CIITA: variants seen among roughly 807,000 people sequenced by gnomAD.
CIITA encodes the protein class II major histocompatibility complex transactivator, also known as MHC class II transactivator.
Under a neutral mutation model 115.1 loss-of-function variants are expected in CIITA, and 72 were observed. The ratio of observed to expected loss-of-function variants is 0.63; its 90% confidence interval spans 0.52 to 0.76. The LOEUF (loss-of-function observed/expected upper bound fraction) is 0.76. CIITA is among the 30% of genes least tolerant of loss of function. The pLI, the probability that CIITA is intolerant of heterozygous loss-of-function variation, is 0.00. For missense variants in CIITA, 1,617 were observed against 1,463.8 expected, an observed-to-expected ratio of 1.10 and a Z score of -1.71; for synonymous variants, 763 against 635.6, an observed-to-expected ratio of 1.20 and a Z score of -3.02.
chr16:10,872,977 T>C (rs1347010536), upstream of CIITA, among the ~76,000 whole-genome samples: 4 of 152,198 alleles, frequency 2.6e-5, no homozygotes, highest in African/African-American at 9.7e-5. Context: ...TTTTATTATT[T>C]TATTTTATTT....
chr16:10,910,966 A>G (rs1396866026), intron 13 of CIITA, among the ~76,000 whole-genome samples: 1 of 121,724 alleles, frequency 8.2e-6, no homozygotes, highest in African/African-American at 2.9e-5. Context: ...TTGCATCCCA[A>G]GAAGCCCCTT....
At chr16:10,899,620 G>A (rs890495369) in intron 5 of CIITA, among the ~76,000 whole-genome samples, 12 of 152,326 alleles carry the variant, frequency 7.9e-5, no homozygotes, top group African/African-American at 2.9e-4. Flanking sequence ...CTGGTATGCA[G>A]TAGCACCTCA....
rs1258482499 is a variant in CIITA at position 10,929,061 on chromosome 16, G to T, written c.*5206G>T. On this transcript the variant is annotated 3_prime_UTR_variant, in exon 20 of 20. Transcript: ENST00000324288. This position sits in a 1 kb window ranked among gnomAD's most constrained non-coding sequence, Gnocchi z 4.3. ...ATGATGTCTGTTTTGCCAACTTGCT[G>T]AAGAACGAGTAACCTGAAATGAAGG... The T allele has an allele frequency of 1.3e-5, 4 of 314,016 alleles. No individual in the cohort carries two copies. Among genetic ancestry groups the T allele is most frequent in the Non-Finnish European group, 1.9e-5 (4 of 215,970 alleles). 19.5% of individuals were successfully genotyped at this position (314,016 alleles called of 1,614,324 possible). A position where few individuals can be genotyped will look rare whatever the true frequency, so the allele number is the denominator to read the frequency against.
At chr16:10,895,494 A>T (rs2038034015) in intron 2 of CIITA, 66 bp downstream of exon 2, 14 of 1,604,710 alleles carry the variant, frequency 8.7e-6, no homozygotes, top group Non-Finnish European at 1.0e-5. Context: ...AGAGACGGCA[A>T]TCAGGGGAAA....
In CIITA at chr16:10,879,231, G is replaced by GC. The variant is rs1327596522; in HGVS notation, c.52+1851dup. Among the ~76,000 whole-genome samples, 1 of 152,188 alleles carries GC rather than the reference G, an allele frequency of 6.6e-6. No individual in the cohort carries two copies. The highest frequency in any genetic ancestry group is 1.5e-5 in the Non-Finnish European group (1 of 68,018). On this transcript the variant is annotated intron_variant, in intron 1 of 19. Transcript: ENST00000324288. This position sits in a 1 kb window ranked among gnomAD's most constrained non-coding sequence, Gnocchi z 4.3. Reference sequence around the variant, plus strand: ...CAACGACTCTGCGCGGGAACCAGGAGCCGGGAACCCGGAGCTTGGCTTGCT... The same window carrying GC: ...CAACGACTCTGCGCGGGAACCAGGAGCCCGGGAACCCGGAGCTTGGCTTGCT...
intron 15 of CIITA, 33 bp from the exon 16 acceptor site, chr16:10,918,407 T>C: frequency 6.3e-7 from 1 of 1,595,778 alleles, no homozygotes; most frequent in East Asian, 2.2e-5. Flanking sequence ...GCAAGTTTGG[T>C]CCTGAGCCCT....
In CIITA at chr16:10,907,899, G is replaced by A; in HGVS notation, c.2407G>A (p.Ala803Thr). 1 of 1,587,216 alleles carries A rather than the reference G, an allele frequency of 6.3e-7. No homozygotes were observed. The highest frequency in any genetic ancestry group is 8.6e-7 in the Non-Finnish European group (1 of 1,166,950). ...LKRLQPGTLRARQLLELLHCA... is the reference protein window; with the variant it reads ...LKRLQPGTLRTRQLLELLHCA... ...GCGGCTGCAGCCGGGGACACTGCGGGCGCGGCAGCTGCTGGAGCTGCTGCA... is the reference window on the plus strand; with the variant it reads ...GCGGCTGCAGCCGGGGACACTGCGGACGCGGCAGCTGCTGGAGCTGCTGCA... The change falls in exon 11 of 20, where the codon GCG becomes ACG. Residue 803 changes from alanine to threonine, a missense_variant. Ala to Thr is a moderately conservative substitution (Grantham distance 58). Transcript: ENST00000324288. This position sits in a 1 kb window ranked among gnomAD's most constrained non-coding sequence, Gnocchi z 5.0.
chr16:10,918,540 C>A lies in CIITA; in HGVS notation c.3149+14C>A. 2 of 1,612,466 alleles carry A rather than the reference C, an allele frequency of 1.2e-6. No homozygotes were observed. The highest frequency in any genetic ancestry group is 1.7e-5 in the Admixed American group (1 of 60,010). ...GCTCAGGCTAAGGTGAGTGGGGCCC[C>A]GGATACCGGTCAGGTGCTGAGCTGG... On this transcript the variant is annotated intron_variant, in intron 16 of 19. Coordinates refer to ENST00000324288, the MANE Select transcript of CIITA (RefSeq NM_000246.4).
At chr16:10,899,890 G>A (rs1372594622) in intron 5 of CIITA, among the ~76,000 whole-genome samples, 2 of 152,160 alleles carry the variant, frequency 1.3e-5, no homozygotes, top group African/African-American at 2.4e-5. Context: ...TACCTGCCTG[G>A]CCAACATGGT....
In CIITA at chr16:10,941,934, C is replaced by A; in HGVS notation, n.1060C>A. The A allele has an allele frequency of 6.3e-7, 1 of 1,590,920 alleles. No homozygotes were observed. Among genetic ancestry groups the A allele is most frequent in the Non-Finnish European group, 8.5e-7 (1 of 1,169,742 alleles). On this transcript the variant is annotated non_coding_transcript_exon_variant, in exon 2 of 2. Coordinates refer to the CIITA transcript ENST00000573379. This position sits in a 1 kb window ranked among gnomAD's most constrained non-coding sequence, Gnocchi z 6.4. The stretch of plus-strand genomic sequence containing the variant: ...GGCCCACGTAGAACATAGAGGGCAG[C>A]AGCGGCGGCGGCACGTAGGGGACCA...
intron 13 of CIITA, among the ~76,000 whole-genome samples, chr16:10,914,382 C>G (rs983159977): frequency 6.6e-6 from 1 of 152,088 alleles, no homozygotes; most frequent in Non-Finnish European, 1.5e-5. Flanking sequence ...TTTCAGAGGC[C>G]GAGAACATTT....
At chr16:10,890,580 A>G (rs2037462257) in intron 1 of CIITA, among the ~76,000 whole-genome samples, 1 of 152,200 alleles carries the variant, frequency 6.6e-6, no homozygotes, top group South Asian at 2.1e-4. Flanking sequence ...GTGAGCCACC[A>G]TGCCCGGCCT....
intron 16 of CIITA, 28 bp downstream of exon 16, chr16:10,918,554 G>A (rs1452684463): frequency 6.2e-7 from 1 of 1,603,122 alleles, no homozygotes; most frequent in African/African-American, 1.3e-5. Context: ...TACCGGTCAG[G>A]TGCTGAGCTG....
At chr16:10,868,813 T>G (rs1210377355) in intron 1 of CIITA, among the ~76,000 whole-genome samples, 1 of 152,234 alleles carries the variant, frequency 6.6e-6, no homozygotes, top group Non-Finnish European at 1.5e-5. Context: ...TGATCCCACG[T>G]GACTCCAGAA....
In CIITA at chr16:10,927,039, G is replaced by C. The variant is rs550117689; in HGVS notation, c.*3184G>C. The C allele has an allele frequency of 1.1e-3, 172 of 152,378 alleles. No individual in the cohort carries two copies. Among genetic ancestry groups the C allele is most frequent in the African/African-American group, 3.7e-3 (155 of 41,594 alleles). 9.4% of individuals were successfully genotyped at this position (152,378 alleles called of 1,614,324 possible). Reference sequence around the variant, plus strand: ...CCCACCTCACCACTTACTTATGCAAGCTAGTTCTCTGTGCCTCAGTCTCCT... The same window carrying C: ...CCCACCTCACCACTTACTTATGCAACCTAGTTCTCTGTGCCTCAGTCTCCT... On this transcript the variant is annotated 3_prime_UTR_variant, in exon 20 of 20. Coordinates refer to ENST00000324288, the MANE Select transcript of CIITA (RefSeq NM_000246.4).
At chr16:10,902,467 T>C (rs766614231) in intron 7 of CIITA, among the ~76,000 whole-genome samples, 191 bp from the exon 8 acceptor site, 45 of 152,352 alleles carry the variant, frequency 3.0e-4, no homozygotes, top group Middle Eastern at 3.4e-3. Context: ...CAGCTCTTCA[T>C]GGAGCCCCTT....
intron 7 of CIITA, 123 bp downstream of exon 7, chr16:10,902,307 T>G: frequency 7.2e-7 from 1 of 1,383,144 alleles, no homozygotes; most frequent in Non-Finnish European, 9.9e-7. Context: ...TCAGTGTCAC[T>G]CACCTCTGCC....
chr16:10,915,621 C>T lies in CIITA; in HGVS notation c.2940C>T (p.Leu980=). 1 of 1,614,184 alleles carries T rather than the reference C, an allele frequency of 6.2e-7. No individual in the cohort carries two copies. The change falls in exon 14 of 20, where the codon CTC becomes CTT. Residue 980 remains leucine, a synonymous_variant. Coordinates refer to ENST00000324288, the MANE Select transcript of CIITA (RefSeq NM_000246.4). ...CTTTCCCCAAACTGGTGCGGATCCT[C>T]ACGGCCTTTTCCTCCCTGCAGCATC... ...PQAFPKLVRI[L]TAFSSLQHLD...
downstream of CIITA, chr16:10,937,387 A>G (rs887453048): frequency 6.6e-6 from 1 of 152,322 alleles, no homozygotes; most frequent in Non-Finnish European, 1.5e-5. The surrounding 1 kb of genome is among the most constrained non-coding windows in gnomAD (Gnocchi z 4.2). Flanking sequence ...GGGCAGCTCT[A>G]TGTCCGGCAC....
Sources: gnomAD v4.1 joint callset for allele counts (sites outside exome capture counted in the v4.1 genomes callset) on GRCh38, gnomAD v4.1.1 for gene constraint, Gnocchi (gnomAD v3.1) non-coding constraint, MANE v1.5 for transcripts, NCBI Gene and HGNC (gene_info 2026-07-23, HGNC 2026-07-21) for gene names.